TOB2: variants seen among roughly 807,000 people sequenced by gnomAD.
TOB2 encodes transducer of ERBB2, 2, also known as protein Tob2.
TOB2 carries 3 observed loss-of-function variants against 17.3 expected under a neutral mutation model. The observed-to-expected ratio is 0.17, with a 90% CI of 0.08 to 0.45. The LOEUF is 0.45. Among genes scored for constraint, TOB2 ranks in the 20% least tolerant of loss-of-function variants. The pLI is 0.99. For synonymous variants in TOB2, 163 were observed against 185.6 expected (o/e 0.88, Z 0.99); for missense variants, 407 against 445.7 (o/e 0.91, Z 0.78).
In TOB2 at chr22:41,446,801, C is replaced by G. The variant is rs1326649342; in HGVS notation, c.-485G>C. ...TTCCCGCGCCCCGGCCCGAAGTGAG[C>G]AAAGTCAATGAAAAGTTTCACCCTT... is the stretch of plus-strand genomic sequence containing the variant. On this transcript the variant is annotated 5_prime_UTR_variant, in exon 1 of 2. Coordinates refer to ENST00000327492, the MANE Select transcript of TOB2 (RefSeq NM_016272.4). The G allele has an allele frequency of 6.6e-6, 1 of 152,626 alleles. No homozygotes were observed. The highest frequency in any genetic ancestry group is 2.4e-5 in the African/African-American group (1 of 41,450). The allele number at this position is 152,626 out of a possible 1,614,324, so 9.5% of individuals were successfully genotyped here.
chr22:41,439,562 C>A (rs1438351072), intron 1 of TOB2, among the ~76,000 whole-genome samples: 1 of 152,122 alleles, frequency 6.6e-6, no homozygotes, highest in Non-Finnish European at 1.5e-5. Flanking sequence ...ATCGCCCAGG[C>A]TGGACTGCAG....
rs1051262655 is a variant in TOB2, at chr22:41,434,683, C to T, written c.*1628G>A. 1 of 152,776 alleles carries T rather than the reference C, an allele frequency of 6.5e-6. No individual in the cohort carries two copies. The highest frequency in any genetic ancestry group is 2.4e-5 in the African/African-American group (1 of 41,440). 9.5% of individuals were successfully genotyped at this position (152,776 alleles called of 1,614,324 possible). A position where few individuals can be genotyped will look rare whatever the true frequency, so the allele number is the denominator to read the frequency against. On this transcript the variant is annotated 3_prime_UTR_variant, in exon 2 of 2. Coordinates refer to ENST00000327492, the MANE Select transcript of TOB2 (RefSeq NM_016272.4). ...GGGGTGCCAGGGGCTTTGGTGCTTT[C>T]TGGTGATTGGGACCCTGATGCCAAG... is the stretch of plus-strand genomic sequence containing the variant.
In TOB2 at chr22:41,435,384, C is replaced by G. The variant is rs1242431281; in HGVS notation, c.*927G>C. On this transcript the variant is annotated 3_prime_UTR_variant, in exon 2 of 2. Coordinates refer to ENST00000327492, the MANE Select transcript of TOB2 (RefSeq NM_016272.4). ...CAATACCCCCAGCCCATTCCCCAGC[C>G]TCACATATAAATAAGGACTTGCGAC... is the stretch of plus-strand genomic sequence containing the variant. 1.3e-5 allele frequency: 2 copies of G among 152,320 alleles called. No homozygotes were observed. The highest frequency in any genetic ancestry group is 3.9e-4 in the East Asian group (2 of 5,186). 9.4% of individuals were successfully genotyped at this position (152,320 alleles called of 1,614,324 possible).
chr22:41,438,209 G>GATACTGTA (rs2037574972), intron 1 of TOB2, among the ~76,000 whole-genome samples: 1 of 152,134 alleles, frequency 6.6e-6, no homozygotes, highest in Admixed American at 6.6e-5. Context: ...AGGGATACAG[G>GATACTGTA]TCACTGAACA....
rs539844859 is a variant in TOB2 at position 41,444,128 on chromosome 22, C to A, written c.-63+2251G>T. Among the ~76,000 whole-genome samples, 762 of 152,280 alleles carry A rather than the reference C, an allele frequency of 5.0e-3. 2 individuals carry two copies. The highest frequency in any genetic ancestry group is 8.4e-3 in the Non-Finnish European group (572 of 68,018). On this transcript the variant is annotated intron_variant, in intron 1 of 1. Coordinates refer to ENST00000327492, the MANE Select transcript of TOB2 (RefSeq NM_016272.4). ...GTCACAGACCGGGTGGATGCGAGTG[C>A]CCTGCCGCTGTCCGGGGAGTGAGAG...
In TOB2 at chr22:41,446,556, G is replaced by T; in HGVS notation, c.-240C>A. Reference sequence around the variant, plus strand: ...GACGAAGCAGGGGGCTATGGACTATGACTCTCAATAATTTCTTTCAGCTCT... The same window carrying T: ...GACGAAGCAGGGGGCTATGGACTATTACTCTCAATAATTTCTTTCAGCTCT... On this transcript the variant is annotated 5_prime_UTR_variant, in exon 1 of 2. Coordinates refer to ENST00000327492, the MANE Select transcript of TOB2 (RefSeq NM_016272.4). The T allele has an allele frequency of 6.5e-6, 1 of 152,742 alleles. No individual in the cohort carries two copies. The highest frequency in any genetic ancestry group is 1.9e-4 in the South Asian group (1 of 5,178). The allele number at this position is 152,742 out of a possible 1,614,324, so 9.5% of individuals were successfully genotyped here. A position where few individuals can be genotyped will look rare whatever the true frequency, so the allele number is the denominator to read the frequency against.
At chr22:41,440,284 A>ATT (rs565964403) in intron 1 of TOB2, among the ~76,000 whole-genome samples, 10 of 137,760 alleles carry the variant, frequency 7.3e-5, no homozygotes, top group East Asian at 4.2e-4. Flanking sequence ...CTCCTGGCTA[A>ATT]TTTTTTTTTT....
intron 1 of TOB2, among the ~76,000 whole-genome samples, chr22:41,445,341 TCCTCCCACACAAGCTTCTTTCCC>T (rs2037672031): frequency 6.6e-6 from 1 of 152,120 alleles, no homozygotes; most frequent in Non-Finnish European, 1.5e-5. Flanking sequence ...CCTTAATCCT[TCCTCCCACACAAGCTTCTTTCCC>T]CCTATGCTTC....
chr22:41,441,174 G>T (rs971756474), intron 1 of TOB2, among the ~76,000 whole-genome samples: 3 of 151,928 alleles, frequency 2.0e-5, no homozygotes, highest in African/African-American at 7.3e-5. Flanking sequence ...AATTATCCAG[G>T]CGTGGTGGCA....
intron 1 of TOB2, among the ~76,000 whole-genome samples, chr22:41,444,986 C>T (rs915451015): frequency 1.3e-5 from 2 of 152,144 alleles, no homozygotes; most frequent in Admixed American, 1.3e-4. Context: ...TAATGCCTAG[C>T]GGACTCGGCT....
Position 41,437,364 on chromosome 22 carries a change from G to C in TOB2, c.-19C>G. 10 of 1,603,496 alleles carry C rather than the reference G, an allele frequency of 6.2e-6. No individual in the cohort carries two copies. The highest frequency in any genetic ancestry group is 6.8e-6 in the Non-Finnish European group (8 of 1,174,936). On this transcript the variant is annotated 5_prime_UTR_variant, in exon 2 of 2. Coordinates refer to ENST00000327492, the MANE Select transcript of TOB2 (RefSeq NM_016272.4). ...GCTGCATGGTCCTTTCCTAGGCAGA[G>C]AATCAGCACAGGGCACGTGTACAGC...
intron 1 of TOB2, among the ~76,000 whole-genome samples, chr22:41,445,201 A>G (rs1324562872): frequency 6.6e-6 from 1 of 152,236 alleles, no homozygotes; most frequent in Admixed American, 6.5e-5. Flanking sequence ...CAGAGAAGAA[A>G]AAAACTGTAC....
intron 1 of TOB2, among the ~76,000 whole-genome samples, chr22:41,442,050 C>T (rs1451605135): frequency 6.8e-6 from 1 of 147,952 alleles, no homozygotes; most frequent in Non-Finnish European, 1.5e-5. Context: ...GAGATCATGC[C>T]ACTGGACTCC....
rs982777414 is a variant in TOB2 at position 41,434,853 on chromosome 22, G to C, written c.*1458C>G. ...TGCTCTCCTATGATCCAATACATCA[G>C]GCGGGAGTGCTGAGTCCGTCAGGAC... On this transcript the variant is annotated 3_prime_UTR_variant, in exon 2 of 2. Transcript: ENST00000327492. The C allele has an allele frequency of 6.6e-6, 1 of 152,556 alleles. No homozygotes were observed. The highest frequency in any genetic ancestry group is 2.4e-5 in the African/African-American group (1 of 41,428). 9.5% of individuals were successfully genotyped at this position (152,556 alleles called of 1,614,324 possible). A position where few individuals can be genotyped will look rare whatever the true frequency, so the allele number is the denominator to read the frequency against.
At chr22:41,443,452 T>C (rs1555972158) in intron 1 of TOB2, among the ~76,000 whole-genome samples, 1 of 151,300 alleles carries the variant, frequency 6.6e-6, no homozygotes, top group Non-Finnish European at 1.5e-5. Context: ...CCCGAGTAGC[T>C]GGGATTATAG....
At chr22:41,438,618 G>A (rs1363089538) in intron 1 of TOB2, among the ~76,000 whole-genome samples, 13 of 41,394 alleles carry the variant, frequency 3.1e-4, no homozygotes, top group Non-Finnish European at 4.9e-4. Context: ...CAACAAGAGC[G>A]AAACTCTGTC....
chr22:41,441,911 A>AG (rs995624843), intron 1 of TOB2, among the ~76,000 whole-genome samples: 22 of 151,494 alleles, frequency 1.5e-4, no homozygotes, highest in African/African-American at 5.3e-4. Context: ...TTCTCAAAAA[A>AG]AAAAAAAAGA....
chr22:41,442,804 A>G (rs2037633775), intron 1 of TOB2, among the ~76,000 whole-genome samples: 1 of 152,220 alleles, frequency 6.6e-6, no homozygotes, highest in South Asian at 2.1e-4. Flanking sequence ...TCTAGAGCTT[A>G]TATATAAAAT....
At position 41,436,953 on chromosome 22, in the gene TOB2, G is replaced by A; in HGVS notation, c.393C>T (p.Ser131=). The A allele has an allele frequency of 6.2e-7, 1 of 1,614,190 alleles. No individual in the cohort carries two copies. Among genetic ancestry groups the A allele is most frequent in the Non-Finnish European group, 8.5e-7 (1 of 1,180,040 alleles). ...GAPELDKEIK[S]SFNPDAQVFV... Reference sequence around the variant, plus strand: ...ACACCTGGGCGTCAGGGTTGAAGCTGCTCTTGATCTCCTTGTCCAGCTCTG... The same window carrying A: ...ACACCTGGGCGTCAGGGTTGAAGCTACTCTTGATCTCCTTGTCCAGCTCTG... The change falls in exon 2 of 2, where the codon AGC becomes AGT. Residue 131 remains serine, a synonymous_variant. Coordinates refer to ENST00000327492, the MANE Select transcript of TOB2 (RefSeq NM_016272.4). The surrounding 1 kb of genome is among the most constrained non-coding windows in gnomAD (Gnocchi z 4.8).
Sources: allele counts gnomAD v4.1 joint callset (sites outside exome capture counted in the v4.1 genomes callset), GRCh38; gene constraint gnomAD v4.1.1; non-coding constraint Gnocchi (gnomAD v3.1); transcripts MANE v1.5; gene names NCBI Gene and HGNC (gene_info 2026-07-23, HGNC 2026-07-21).